RTN3: variants seen among roughly 807,000 people sequenced by gnomAD.
RTN3 encodes the protein reticulon 3.
RTN3 carries 49 observed loss-of-function variants against 77.8 expected under a neutral mutation model. That is an observed-to-expected ratio of 0.63 (90% CI 0.50 to 0.80). The LOEUF is 0.80. Ranked by LOEUF, RTN3 falls within the 30% of genes least tolerant of loss-of-function variation. RTN3 has a pLI of 0.00. For synonymous variants in RTN3, 464 were observed against 446.9 expected (o/e 1.04, Z -0.48); for missense variants, 1,236 against 1,211.9 (o/e 1.02, Z -0.29).
intron 2 of RTN3, among the ~76,000 whole-genome samples, chr11:63,707,174 C>T (rs916277887): frequency 6.6e-6 from 1 of 152,172 alleles, no homozygotes; most frequent in Non-Finnish European, 1.5e-5. Flanking sequence ...GCTGGCATTA[C>T]AGGCATGAGT....
rs760482165 is a variant in RTN3, at chr11:63,758,363, A to G, written c.*162A>G. The G allele has an allele frequency of 1.3e-6, 2 of 1,592,360 alleles. No homozygotes were observed. The highest frequency in any genetic ancestry group is 1.7e-6 in the Non-Finnish European group (2 of 1,172,294). ...CTCCCATCCTTTCCCTTTAACCCTC[A>G]GTATCAAGCACAAAAATTGATGGAC... is the stretch of plus-strand genomic sequence containing the variant. On this transcript the variant is annotated 3_prime_UTR_variant, in exon 9 of 9. Coordinates refer to ENST00000377819, the MANE Select transcript of RTN3 (RefSeq NM_001265589.2).
intron 2 of RTN3, among the ~76,000 whole-genome samples, chr11:63,716,829 C>T (rs1305574929): frequency 1.3e-5 from 2 of 151,846 alleles, no homozygotes; most frequent in Admixed American, 6.6e-5. Flanking sequence ...ATTAGCCAGG[C>T]GTGGCGGCGG....
intron 4 of RTN3, among the ~76,000 whole-genome samples, chr11:63,751,300 CTG>C (rs2135051215): frequency 6.6e-6 from 1 of 152,312 alleles, no homozygotes; most frequent in African/African-American, 2.4e-5. Context: ...CTTGTTGTGT[CTG>C]TGCTTTGGTA....
chr11:63,750,222 C>T (rs866585962), intron 4 of RTN3, 24 bp downstream of exon 4: 1 of 1,581,968 alleles, frequency 6.3e-7, no homozygotes, highest in Non-Finnish European at 8.7e-7. Flanking sequence ...TTAAAAGCAA[C>T]ATTCTACATT....
At position 63,725,614 on chromosome 11, in the gene RTN3, A is replaced by G. The variant is rs191188427; in HGVS notation, c.2530+4582A>G. Among the ~76,000 whole-genome samples the G allele has an allele frequency of 2.2e-3, 342 of 152,004 alleles. 2 individuals carry two copies. The highest frequency in any genetic ancestry group is 7.7e-3 in the African/African-American group (321 of 41,464). ...CAGGCGCCTGCTACCACGCCCAGCT[A>G]ATTTTATTTTTGTATTTTTAGTAGA... On this transcript the variant is annotated intron_variant, in intron 3 of 8. Transcript: ENST00000377819.
intron 3 of RTN3, among the ~76,000 whole-genome samples, chr11:63,736,930 A>T (rs986952328): frequency 1.3e-5 from 2 of 151,602 alleles, no homozygotes; most frequent in Non-Finnish European, 2.9e-5. Flanking sequence ...TATACAAGGC[A>T]TGTACAACAA....
At position 63,720,310 on chromosome 11, in the gene RTN3, C is replaced by T. The variant is rs116807490; in HGVS notation, c.1808C>T (p.Pro603Leu). The change falls in exon 3 of 9, where the codon CCT becomes CTT. Residue 603 changes from proline to leucine, a missense_variant. By Grantham distance (98) the Pro-to-Leu change is moderately conservative. Around this residue, in one of 3 missense-constraint regions of RTN3, gnomAD observed 1,056 missense variants for 990.4 expected, o/e 1.07. Coordinates refer to ENST00000377819, the MANE Select transcript of RTN3 (RefSeq NM_001265589.2). Reference sequence around the variant, plus strand: ...GTGAGTGAAGTTGCTCCTGAAAAGCCTATTACTACTGAGAACCCCAAACTT... The same window carrying T: ...GTGAGTGAAGTTGCTCCTGAAAAGCTTATTACTACTGAGAACCCCAAACTT... ...EDVSEVAPEK[P>L]ITTENPKLPS... 1,805 of 1,613,742 alleles carry T rather than the reference C, an allele frequency of 1.1e-3. 20 individuals are homozygous for T. In the African/African-American group the frequency reaches 0.021, roughly 19 times the overall value.
chr11:63,699,764 A>G (rs1037007159), intron 1 of RTN3, among the ~76,000 whole-genome samples: 8 of 152,210 alleles, frequency 5.3e-5, no homozygotes, highest in Non-Finnish European at 1.0e-4. Context: ...TTAATTTACC[A>G]TAGTGGCTGT....
chr11:63,696,724 T>C (rs979716022), intron 1 of RTN3, among the ~76,000 whole-genome samples: 1 of 150,000 alleles, frequency 6.7e-6, no homozygotes, highest in African/African-American at 2.4e-5. Flanking sequence ...TTTTGTATTT[T>C]TAGTAGAGAC....
intron 1 of RTN3, among the ~76,000 whole-genome samples, chr11:63,700,873 C>T (rs1294350205): frequency 1.3e-5 from 2 of 151,872 alleles, no homozygotes; most frequent in African/African-American, 4.8e-5. Context: ...GTGCGGATCA[C>T]GAGGTCAGGA....
chr11:63,690,942 G>A lies in RTN3; in HGVS notation c.142+9164G>A, dbSNP rs142803375. On this transcript the variant is annotated intron_variant, in intron 1 of 8. Coordinates refer to ENST00000377819, the MANE Select transcript of RTN3 (RefSeq NM_001265589.2). ...TGGGTTTTAGTGTATGCACAAGGTT[G>A]TACAGCTATCTCCACTATCTAATTC... is the stretch of plus-strand genomic sequence containing the variant. Among the ~76,000 whole-genome samples the A allele has an allele frequency of 3.9e-5, 6 of 152,144 alleles. 1 individual carries two copies. Among genetic ancestry groups the A allele is most frequent in the African/African-American group, 1.4e-4 (6 of 41,490 alleles).
chr11:63,750,303 C>T, intron 4 of RTN3, 105 bp downstream of exon 4: 1 of 901,320 alleles, frequency 1.1e-6, no homozygotes, highest in Non-Finnish European at 1.7e-6. Context: ...AATTATGGGG[C>T]CTAATGCAGC....
At chr11:63,694,197 A>G (rs1219725249) in intron 1 of RTN3, among the ~76,000 whole-genome samples, 4 of 151,786 alleles carry the variant, frequency 2.6e-5, no homozygotes, top group Non-Finnish European at 4.4e-5. Flanking sequence ...TTTTTCTGAA[A>G]TGGAATTTTG....
intron 1 of RTN3, among the ~76,000 whole-genome samples, chr11:63,691,044 C>G (rs1026648006): frequency 6.6e-6 from 1 of 151,432 alleles, no homozygotes; most frequent in Non-Finnish European, 1.5e-5. Context: ...CCCCTCAATT[C>G]TCTGACAACT....
At chr11:63,743,411 T>C (rs1339171189) in intron 3 of RTN3, among the ~76,000 whole-genome samples, 2 of 152,242 alleles carry the variant, frequency 1.3e-5, no homozygotes, top group African/African-American at 4.8e-5. Context: ...CAAATGCTTT[T>C]TTCTGTATCA....
At chr11:63,734,144 C>T (rs542077327) in intron 3 of RTN3, among the ~76,000 whole-genome samples, 13 of 152,258 alleles carry the variant, frequency 8.5e-5, no homozygotes, top group South Asian at 6.2e-4. Context: ...AACACTTTCT[C>T]CTGAAGATTG....
chr11:63,751,751 G>C (rs924618089), intron 4 of RTN3, among the ~76,000 whole-genome samples: 5 of 152,120 alleles, frequency 3.3e-5, no homozygotes, highest in African/African-American at 4.8e-5. Context: ...CAGCACTTTG[G>C]GAAGCTGAGG....
Position 63,754,925 on chromosome 11 carries a change from CAA to C in RTN3, c.2995-1169_2995-1168del, listed in dbSNP as rs373589429. On this transcript the variant is annotated intron_variant, in intron 7 of 8. Transcript: ENST00000377819. Reference sequence around the variant, plus strand: ...CCTGGGCGACAGGGAGACTCTGTCTCAAAAAAAAAAAAAAAAAAATGCTTAGA... The same window carrying C: ...CCTGGGCGACAGGGAGACTCTGTCTCAAAAAAAAAAAAAAAAATGCTTAGA... 8.5e-3 allele frequency among the ~76,000 whole-genome samples: 822 copies of C among 96,922 alleles called. 8 individuals carry two copies. The highest frequency in any genetic ancestry group is 0.031 in the African/African-American group (773 of 24,714). 63.6% of individuals were successfully genotyped at this position (96,922 alleles called of 152,430 possible). A position where few individuals can be genotyped will look rare whatever the true frequency, so the allele number is the denominator to read the frequency against.
intron 8 of RTN3, 110 bp from the exon 9 acceptor site, chr11:63,758,046 A>G (rs747156550): frequency 3.9e-6 from 3 of 763,968 alleles, no homozygotes; most frequent in African/African-American, 1.8e-5. Flanking sequence ...TGCATTTCAC[A>G]TTGCTTATGC....
Sources: allele counts gnomAD v4.1 joint callset (sites outside exome capture counted in the v4.1 genomes callset), GRCh38; gene constraint gnomAD v4.1.1; regional missense constraint gnomAD v4.1.1; transcripts MANE v1.5; gene names NCBI Gene and HGNC (gene_info 2026-07-23, HGNC 2026-07-21).